CSMD3: variants seen among roughly 807,000 people sequenced by gnomAD.
CSMD3 encodes the protein CUB and sushi domain-containing protein 3.
CSMD3 carries 177 observed loss-of-function variants against 435.2 expected under a neutral mutation model. That is an observed-to-expected ratio of 0.41 (90% CI 0.36 to 0.46). CSMD3 has a LOEUF of 0.46. Among genes scored for constraint, CSMD3 ranks in the 20% least tolerant of loss-of-function variants. The probability of loss-of-function intolerance (pLI) is 0.34; values close to 1 mark genes in which losing one functional copy is unlikely to be tolerated. For missense variants in CSMD3, 4,265 were observed against 4,504.6 expected, an observed-to-expected ratio of 0.95 and a Z score of 1.52; for synonymous variants, 1,656 against 1,520.5, an observed-to-expected ratio of 1.09 and a Z score of -2.07.
chr8:113,107,327 C>A (rs1382179583), intron 4 of CSMD3, among the ~76,000 whole-genome samples: 1 of 152,178 alleles, frequency 6.6e-6, no homozygotes, highest in Non-Finnish European at 1.5e-5. Context: ...CACCATATTG[C>A]CCAGGCTGGT....
At chr8:113,357,561 G>T (rs1220669586) in intron 1 of CSMD3, among the ~76,000 whole-genome samples, 1 of 152,140 alleles carries the variant, frequency 6.6e-6, no homozygotes, top group Non-Finnish European at 1.5e-5. Context: ...TTGTTGTATT[G>T]GTAGCACTAT....
intron 3 of CSMD3, among the ~76,000 whole-genome samples, chr8:113,237,603 G>A (rs1025389252): frequency 1.3e-5 from 2 of 152,098 alleles, no homozygotes; most frequent in African/African-American, 4.8e-5. Context: ...ATGATCAGCA[G>A]CTTGATTCCA....
At chr8:112,320,655 G>A (rs950708638) in intron 45 of CSMD3, among the ~76,000 whole-genome samples, 4 of 120,120 alleles carry the variant, frequency 3.3e-5, no homozygotes, top group African/African-American at 1.3e-4. Context: ...TCCACCCCAC[G>A]ACAGGCCCCG....
intron 36 of CSMD3, among the ~76,000 whole-genome samples, chr8:112,383,917 A>G (rs959958530): frequency 1.3e-5 from 2 of 152,188 alleles, no homozygotes; most frequent in African/African-American, 2.4e-5. Context: ...GTCTGTCACT[A>G]TCTCAGAACA....
At chr8:113,052,262 T>A (rs1195473405) in intron 5 of CSMD3, among the ~76,000 whole-genome samples, 1 of 152,206 alleles carries the variant, frequency 6.6e-6, no homozygotes, top group East Asian at 1.9e-4. Flanking sequence ...ATATTTTAGC[T>A]GTCCAAGTTA....
intron 1 of CSMD3, among the ~76,000 whole-genome samples, chr8:113,332,189 C>T (rs2094032884): frequency 6.6e-6 from 1 of 150,624 alleles, no homozygotes; most frequent in African/African-American, 2.4e-5. Context: ...ACGTGCATGC[C>T]TTAATTAAAA....
At chr8:112,490,880 A>G (rs570297495) in intron 31 of CSMD3, among the ~76,000 whole-genome samples, 50 of 152,234 alleles carry the variant, frequency 3.3e-4, no homozygotes, top group South Asian at 1.9e-3. Context: ...CATGCCATCA[A>G]TCACTTTTTC....
Position 112,586,462 on chromosome 8 carries a change from TA to T in CSMD3, c.3885+603del, listed in dbSNP as rs967037494. On this transcript the variant is annotated intron_variant, in intron 23 of 70. Coordinates refer to ENST00000297405, the MANE Select transcript of CSMD3 (RefSeq NM_198123.2). Reference sequence around the variant, plus strand: ...TTTATTTGCCAAAATGTTATCTTTTTAGAAAAGTAGATATTTGATTATTTCA... The same window carrying T: ...TTTATTTGCCAAAATGTTATCTTTTTGAAAAGTAGATATTTGATTATTTCA... Among the ~76,000 whole-genome samples the T allele has an allele frequency of 3.8e-3, 580 of 151,648 alleles. 4 individuals carry two copies. Among genetic ancestry groups the T allele is most frequent in the African/African-American group, 0.012 (498 of 41,530 alleles).
chr8:112,407,320 T>G (rs754578001), intron 34 of CSMD3, among the ~76,000 whole-genome samples: 24 of 152,076 alleles, frequency 1.6e-4, no homozygotes, highest in Admixed American at 2.6e-4. Flanking sequence ...AATCATACAA[T>G]ATCAGATTTG....
intron 13 of CSMD3, among the ~76,000 whole-genome samples, chr8:112,758,217 G>T (rs1037781708): frequency 9.9e-5 from 15 of 151,990 alleles, no homozygotes; most frequent in African/African-American, 3.4e-4. Flanking sequence ...AGCCAGGCAT[G>T]GTGGCAGGCA....
intron 53 of CSMD3, among the ~76,000 whole-genome samples, chr8:112,298,982 G>A (rs190050918): frequency 6.6e-6 from 1 of 152,040 alleles, no homozygotes; most frequent in African/African-American, 2.4e-5. Flanking sequence ...ATCAAAAAGA[G>A]AATGGCTGAA....
intron 4 of CSMD3, among the ~76,000 whole-genome samples, chr8:113,166,377 T>A (rs1056366006): frequency 6.6e-6 from 1 of 151,996 alleles, no homozygotes; most frequent in Non-Finnish European, 1.5e-5. Flanking sequence ...TGGTGGTGCA[T>A]ACCTATAATC....
intron 12 of CSMD3, among the ~76,000 whole-genome samples, chr8:112,819,337 A>G (rs2079466119): frequency 6.6e-6 from 1 of 152,164 alleles, no homozygotes; most frequent in Non-Finnish European, 1.5e-5. Context: ...AGGGTGGCCA[A>G]TTGGTCTCTG....
intron 38 of CSMD3, among the ~76,000 whole-genome samples, chr8:112,361,416 T>A (rs2131117317): frequency 6.6e-6 from 1 of 151,618 alleles, no homozygotes; most frequent in South Asian, 2.1e-4. Context: ...TTCACATTAC[T>A]AATATTTATT....
intron 13 of CSMD3, among the ~76,000 whole-genome samples, chr8:112,799,897 A>G (rs2078920845): frequency 6.6e-6 from 1 of 151,982 alleles, no homozygotes; most frequent in Non-Finnish European, 1.5e-5. Flanking sequence ...CTAGGAGTCT[A>G]CAGTGATTGA....
chr8:112,590,208 T>G (rs1831065411), intron 22 of CSMD3, among the ~76,000 whole-genome samples: 1 of 152,102 alleles, frequency 6.6e-6, no homozygotes, highest in Non-Finnish European at 1.5e-5. Context: ...GAAGCTCCTA[T>G]GGGACCTACT....
At chr8:113,356,237 G>A (rs567725512) in intron 1 of CSMD3, among the ~76,000 whole-genome samples, 24 of 151,990 alleles carry the variant, frequency 1.6e-4, no homozygotes, top group Non-Finnish European at 2.8e-4. Context: ...CTGCTCATTA[G>A]TTTACCCCCA....
chr8:113,319,895 T>C (rs908185404), intron 1 of CSMD3, among the ~76,000 whole-genome samples: 5 of 152,188 alleles, frequency 3.3e-5, no homozygotes, highest in African/African-American at 4.8e-5. Flanking sequence ...TTATAGTACA[T>C]GTGGAACATC....
intron 13 of CSMD3, among the ~76,000 whole-genome samples, chr8:112,742,995 G>T (rs1365000500): frequency 1.3e-5 from 2 of 151,904 alleles, no homozygotes; most frequent in Non-Finnish European, 2.9e-5. Flanking sequence ...TAAATAAAGG[G>T]TCCAGTATTT....
Sources: allele counts gnomAD v4.1 joint callset (sites outside exome capture counted in the v4.1 genomes callset), GRCh38; gene constraint gnomAD v4.1.1; transcripts MANE v1.5; gene names NCBI Gene and HGNC (gene_info 2026-07-23, HGNC 2026-07-21).